ST6GAL1: variants seen among roughly 807,000 people sequenced by gnomAD.
ST6GAL1 encodes the protein ST6 beta-galactoside alpha-2,6-sialyltransferase 1, also known as beta-galactoside alpha-2,6-sialyltransferase 1.
ST6GAL1 carries 20 observed loss-of-function variants against 38.0 expected under a neutral mutation model. The ratio of observed to expected loss-of-function variants is 0.53; its 90% CI spans 0.37 to 0.77. The LOEUF is 0.77. ST6GAL1 is among the 30% of genes least tolerant of loss of function. The pLI is 0.00. For synonymous variants in ST6GAL1, 196 were observed against 188.2 expected, an observed-to-expected ratio of 1.04 and a Z score of -0.34; for missense variants, 432 against 496.4, an observed-to-expected ratio of 0.87 and a Z score of 1.23.
rs545166409 is a variant in ST6GAL1, at chr3:187,078,283, C to A, written c.*2480C>A. The A allele has an allele frequency of 2.0e-5, 3 of 152,424 alleles. No individual in the cohort carries two copies. In the South Asian group the frequency reaches 6.2e-4, roughly 32 times the overall value. 9.4% of individuals were successfully genotyped at this position (152,424 alleles called of 1,614,324 possible). A position where few individuals can be genotyped will look rare whatever the true frequency, so the allele number is the denominator to read the frequency against. The stretch of plus-strand genomic sequence containing the variant: ...GGTAAAATGCAAATTATGATATGGA[C>A]GTTATCATTGGTCTGGTGAGATGTT... On this transcript the variant is annotated 3_prime_UTR_variant, in exon 8 of 8. Coordinates refer to ENST00000169298, the MANE Select transcript of ST6GAL1 (RefSeq NM_173216.2).
chr3:187,015,179 G>C (rs1439191623), intron 2 of ST6GAL1, among the ~76,000 whole-genome samples: 2 of 152,222 alleles, frequency 1.3e-5, no homozygotes, highest in African/African-American at 2.4e-5. Context: ...TCCAGCCTGA[G>C]TGTGAACTCT....
chr3:187,058,415 T>C (rs2108592701), intron 5 of ST6GAL1, among the ~76,000 whole-genome samples: 1 of 152,358 alleles, frequency 6.6e-6, no homozygotes, highest in East Asian at 1.9e-4. Flanking sequence ...CTGTTCCTAT[T>C]TGACCATCAT....
intron 2 of ST6GAL1, among the ~76,000 whole-genome samples, chr3:187,030,139 T>G (rs1447316651): frequency 6.6e-6 from 1 of 152,180 alleles, no homozygotes; most frequent in Admixed American, 6.5e-5. Context: ...CAAGGAGTTA[T>G]GATAGAAACA....
intron 2 of ST6GAL1, among the ~76,000 whole-genome samples, chr3:187,027,103 A>G (rs2108569853): frequency 6.6e-6 from 1 of 152,094 alleles, no homozygotes; most frequent in Admixed American, 6.5e-5. Flanking sequence ...AAATAAATAA[A>G]AAAGCATGGA....
At chr3:187,041,538 TAA>T (rs974403129) in intron 3 of ST6GAL1, among the ~76,000 whole-genome samples, 1 of 152,240 alleles carries the variant, frequency 6.6e-6, no homozygotes, top group Non-Finnish European at 1.5e-5. Flanking sequence ...TACTCAGAAA[TAA>T]AGAGACTATT....
intron 2 of ST6GAL1, among the ~76,000 whole-genome samples, chr3:186,980,562 A>G (rs529240459): frequency 3.6e-4 from 53 of 148,442 alleles, no homozygotes; most frequent in African/African-American, 1.2e-3. Flanking sequence ...GATCGAGACC[A>G]TCCTGGCCAA....
At chr3:187,041,932 C>A in intron 3 of ST6GAL1, 1 of 152,206 alleles carries the variant, frequency 6.6e-6, no homozygotes, top group South Asian at 2.1e-4. Flanking sequence ...TACATGTCTG[C>A]TATCTTACCC....
intron 4 of ST6GAL1, among the ~76,000 whole-genome samples, chr3:187,050,344 TA>T (rs889120649): frequency 4.7e-4 from 71 of 152,250 alleles, no homozygotes; most frequent in African/African-American, 1.6e-3. Flanking sequence ...GATGGCTCCT[TA>T]AAGTCTTCAG....
At chr3:186,992,715 G>T (rs1716218425) in intron 2 of ST6GAL1, among the ~76,000 whole-genome samples, 1 of 152,168 alleles carries the variant, frequency 6.6e-6, no homozygotes, top group African/African-American at 2.4e-5. Context: ...AGAATCGCTT[G>T]AACCTGGGAG....
intron 1 of ST6GAL1, among the ~76,000 whole-genome samples, chr3:186,944,124 A>T (rs920905663): frequency 2.0e-5 from 3 of 152,198 alleles, no homozygotes; most frequent in African/African-American, 7.2e-5. Context: ...AGTAATCCAG[A>T]AGTCTTCAAA....
chr3:187,045,492 A>G (rs1394804343), intron 4 of ST6GAL1, among the ~76,000 whole-genome samples: 1 of 152,206 alleles, frequency 6.6e-6, no homozygotes, highest in Non-Finnish European at 1.5e-5. Context: ...CACTATCATC[A>G]ATACAAGTGA....
rs939959182 is a variant in ST6GAL1, at chr3:186,974,728, G to C, written c.-183+10802G>C. ...TTAGTATTTACTGAGAGCCTGGTTG[G>C]GGGGGGGGCGCCCACAGCAGGGTTG... On this transcript the variant is annotated intron_variant, in intron 2 of 7. Coordinates refer to ENST00000169298, the MANE Select transcript of ST6GAL1 (RefSeq NM_173216.2). Among the ~76,000 whole-genome samples the C allele has an allele frequency of 8.7e-5, 11 of 126,112 alleles. 1 individual carries two copies. The highest frequency in any genetic ancestry group is 5.8e-4 in the East Asian group (2 of 3,444). The allele number at this position is 126,112 out of a possible 152,430, so 82.7% of individuals were successfully genotyped here.
intron 5 of ST6GAL1, among the ~76,000 whole-genome samples, chr3:187,065,163 T>A (rs1202979196): frequency 6.6e-6 from 1 of 152,122 alleles, no homozygotes; most frequent in East Asian, 1.9e-4. Context: ...CATGCCCAGC[T>A]AATTTTTTGT....
At chr3:187,022,012 G>A (rs1224563171) in intron 2 of ST6GAL1, 2 of 152,202 alleles carry the variant, frequency 1.3e-5, no homozygotes, top group Non-Finnish European at 2.9e-5. Context: ...AATGTAAGTA[G>A]GGTGTTTCCC....
chr3:187,064,498 T>TA, intron 5 of ST6GAL1: 1 of 456,482 alleles, frequency 2.2e-6, no homozygotes, highest in Non-Finnish European at 4.4e-6. Flanking sequence ...TGAAGCAGAT[T>TA]TTTTTCCCAT....
intron 2 of ST6GAL1, among the ~76,000 whole-genome samples, chr3:187,013,493 A>G (rs1420743366): frequency 6.6e-6 from 1 of 152,064 alleles, no homozygotes; most frequent in Non-Finnish European, 1.5e-5. Flanking sequence ...CACACCCTTG[A>G]CCCTGCCTCC....
rs1045257037 is a variant in ST6GAL1, at chr3:187,078,044, G to C, written c.*2241G>C. ...GAATTCCTGGCTTGGTTTATGTTCT[G>C]ATTTGACACACTGATTTTAATCTTC... On this transcript the variant is annotated 3_prime_UTR_variant, in exon 8 of 8. Coordinates refer to ENST00000169298, the MANE Select transcript of ST6GAL1 (RefSeq NM_173216.2). 6.6e-6 allele frequency: 1 copy of C among 152,586 alleles called. No homozygotes were observed. The highest frequency in any genetic ancestry group is 2.4e-5 in the African/African-American group (1 of 41,412). The allele number at this position is 152,586 out of a possible 1,614,324, so 9.5% of individuals were successfully genotyped here. A position where few individuals can be genotyped will look rare whatever the true frequency, so the allele number is the denominator to read the frequency against.
chr3:186,977,738 A>G (rs1343480566), intron 2 of ST6GAL1, among the ~76,000 whole-genome samples: 1 of 152,162 alleles, frequency 6.6e-6, no homozygotes, highest in African/African-American at 2.4e-5. Context: ...AGCCTGAGGG[A>G]TTTTATCACA....
chr3:187,064,658 AG>A (rs1240622813), intron 5 of ST6GAL1: 3 of 455,686 alleles, frequency 6.6e-6, no homozygotes, highest in African/African-American at 2.0e-5. Context: ...AGCAACACTA[AG>A]TATCTGGCTG....
Sources: gnomAD v4.1 joint callset for allele counts (sites outside exome capture counted in the v4.1 genomes callset) on GRCh38, gnomAD v4.1.1 for gene constraint, MANE v1.5 for transcripts, NCBI Gene and HGNC (gene_info 2026-07-23, HGNC 2026-07-21) for gene names.